The following CNOT2 variants were observed in gnomAD, a reference collection of about 807,000 sequenced individuals.
CNOT2 encodes CCR4-NOT transcription complex subunit 2, also known as CC chemokine receptor 4-negative regulator of transcription 2.
A neutral mutation model predicts 72.1 loss-of-function variants in CNOT2; 7 were observed. The ratio of observed to expected loss-of-function variants is 0.10; its 90% CI spans 0.06 to 0.18. The LOEUF is 0.18. Ranked by LOEUF, CNOT2 falls within the 10% of genes least tolerant of loss-of-function variation. The pLI is 1.00. For missense variants in CNOT2, 345 were observed against 660.3 expected (o/e 0.52, Z 5.23); for synonymous variants, 196 against 225.6 (o/e 0.87, Z 1.17).
intron 1 of CNOT2, among the ~76,000 whole-genome samples, chr12:70,258,562 A>C (rs1214556598): frequency 6.6e-6 from 1 of 152,224 alleles, no homozygotes; most frequent in East Asian, 1.9e-4. Context: ...TAATTTAACA[A>C]ATATTTATTT....
At chr12:70,322,126 T>C (rs1448959892) in intron 4 of CNOT2, 2 of 151,770 alleles carry the variant, frequency 1.3e-5, no homozygotes, top group African/African-American at 4.8e-5. Context: ...TTAACATAAG[T>C]TTTTTGAAAC....
chr12:70,247,059 T>C (rs1223162540), intron 1 of CNOT2, among the ~76,000 whole-genome samples: 1 of 152,224 alleles, frequency 6.6e-6, no homozygotes, highest in Admixed American at 6.5e-5. Flanking sequence ...TTCTGGGCAC[T>C]TCAGGGTTTT....
At chr12:70,310,037 CTATT>C (rs1350804564) in intron 2 of CNOT2, among the ~76,000 whole-genome samples, 4 of 151,984 alleles carry the variant, frequency 2.6e-5, no homozygotes, top group Admixed American at 2.6e-4. Context: ...AATACAGTGA[CTATT>C]TATATAGCAT....
At chr12:70,350,268 C>T (rs926556693) in intron 15 of CNOT2, among the ~76,000 whole-genome samples, 1 of 152,204 alleles carries the variant, frequency 6.6e-6, no homozygotes, top group Non-Finnish European at 1.5e-5. Flanking sequence ...AGAATTCTTT[C>T]GGCCTAATTT....
Position 70,298,596 on chromosome 12 carries a change from TTTA to T in CNOT2, c.49-12290_49-12288del, listed in dbSNP as rs923426818. On this transcript the variant is annotated intron_variant, in intron 2 of 15. Coordinates refer to ENST00000229195, the MANE Select transcript of CNOT2 (RefSeq NM_014515.7). The stretch of plus-strand genomic sequence containing the variant: ...TTTAGAATATTCCCTGGCACAATAA[TTTA>T]TTATTATTTTATAGTTATGATAAAG... 2.6e-5 allele frequency among the ~76,000 whole-genome samples: 4 copies of T among 152,320 alleles called. No individual in the cohort carries two copies. The East Asian group carries it at 7.7e-4, about 29-fold the overall frequency.
chr12:70,305,406 A>AC (rs549015195), intron 2 of CNOT2, among the ~76,000 whole-genome samples: 234 of 152,276 alleles, frequency 1.5e-3, no homozygotes, highest in African/African-American at 5.6e-3. Context: ...CTTCTGCGAC[A>AC]CGTGGGGATT....
At chr12:70,300,434 A>G (rs1593167673) in intron 2 of CNOT2, among the ~76,000 whole-genome samples, 2 of 152,212 alleles carry the variant, frequency 1.3e-5, no homozygotes, top group South Asian at 2.1e-4. Context: ...AGCTTTCTAC[A>G]TATGGCTAGC....
rs568087340 is a variant in CNOT2 at position 70,275,436 on chromosome 12, C to G, written c.-95-2696C>G. Among the ~76,000 whole-genome samples, 5 of 152,180 alleles carry G rather than the reference C, an allele frequency of 3.3e-5. No homozygotes were observed. In the East Asian group the frequency reaches 9.6e-4, roughly 29 times the overall value. The stretch of plus-strand genomic sequence containing the variant: ...AAAAAATTTAGTTCCAGTTTCCCCT[C>G]CTTGTGCTTCAGCCTCAAAACTACA... On this transcript the variant is annotated intron_variant, in intron 1 of 15. Coordinates refer to ENST00000229195, the MANE Select transcript of CNOT2 (RefSeq NM_014515.7).
chr12:70,352,415 G>C (rs1185104857), intron 15 of CNOT2, among the ~76,000 whole-genome samples: 1 of 152,094 alleles, frequency 6.6e-6, no homozygotes, highest in African/African-American at 2.4e-5. Context: ...TGTTAGGTCT[G>C]TAATATCTTT....
chr12:70,289,533 C>T (rs538066880), intron 2 of CNOT2, among the ~76,000 whole-genome samples: 2 of 152,056 alleles, frequency 1.3e-5, no homozygotes, highest in Non-Finnish European at 2.9e-5. Context: ...TGAATATATT[C>T]TCTGTCTTCA....
intron 2 of CNOT2, among the ~76,000 whole-genome samples, chr12:70,283,449 G>C (rs906689972): frequency 6.9e-6 from 1 of 145,380 alleles, no homozygotes; most frequent in African/African-American, 2.6e-5. Flanking sequence ...GACAGAGCAA[G>C]ACCCTCAGTC....
At position 70,318,039 on chromosome 12, in the gene CNOT2, A is replaced by G. The variant is rs78251259; in HGVS notation, c.172-1259A>G. ...CTCCTTTTCCCGTTATACCCCAGCT[A>G]GTCAACAGGACATAAAATAACTGTT... On this transcript the variant is annotated intron_variant, in intron 3 of 15. Transcript: ENST00000229195. 1.7e-4 allele frequency among the ~76,000 whole-genome samples: 26 copies of G among 151,978 alleles called. No individual in the cohort carries two copies. The East Asian group carries it at 4.4e-3, about 26-fold the overall frequency.
At chr12:70,243,848 C>A (rs1394669921) in intron 1 of CNOT2, 3 of 152,200 alleles carry the variant, frequency 2.0e-5, no homozygotes, top group Non-Finnish European at 4.4e-5. Context: ...CCCCTAGGCT[C>A]CCGCCAGCGC....
chr12:70,276,335 A>G (rs2135796921), intron 1 of CNOT2, among the ~76,000 whole-genome samples: 1 of 152,104 alleles, frequency 6.6e-6, no homozygotes, highest in South Asian at 2.1e-4. Context: ...CATTAATATA[A>G]TTGGAGGTAA....
Position 70,332,970 on chromosome 12 carries a change from A to T in CNOT2, c.649+124A>T, listed in dbSNP as rs1880170237. 3 of 1,320,018 alleles carry T rather than the reference A, an allele frequency of 2.3e-6. No homozygotes were observed. In the East Asian group the frequency reaches 8.5e-5, roughly 38 times the overall value. 81.8% of individuals were successfully genotyped at this position (1,320,018 alleles called of 1,614,324 possible). On this transcript the variant is annotated intron_variant, in intron 7 of 15. Transcript: ENST00000229195. ...TTATTATGTTAGATGGTAGATTTTAATTCAGTGAAAAATAGGAATAGGATT... is the reference window on the plus strand; with the variant it reads ...TTATTATGTTAGATGGTAGATTTTATTTCAGTGAAAAATAGGAATAGGATT...
intron 2 of CNOT2, among the ~76,000 whole-genome samples, chr12:70,300,799 A>G (rs1432623019): frequency 1.3e-5 from 2 of 152,156 alleles, no homozygotes; most frequent in African/African-American, 2.4e-5. Context: ...GAATCTATAA[A>G]TTACCTTGGG....
At chr12:70,320,546 T>TA (rs1024177270) in intron 4 of CNOT2, among the ~76,000 whole-genome samples, 1 of 151,698 alleles carries the variant, frequency 6.6e-6, no homozygotes, top group Non-Finnish European at 1.5e-5. Flanking sequence ...GCTTATTACA[T>TA]AAAAAAATTG....
chr12:70,258,039 G>T (rs1336568384), intron 1 of CNOT2, among the ~76,000 whole-genome samples: 1 of 152,068 alleles, frequency 6.6e-6, no homozygotes, highest in African/African-American at 2.4e-5. Context: ...TTAAAAACTT[G>T]TATTTTTTGG....
chr12:70,353,731 T>G, intron 15 of CNOT2, 98 bp from the exon 16 acceptor site: 1 of 1,515,368 alleles, frequency 6.6e-7, no homozygotes, highest in South Asian at 1.2e-5. Flanking sequence ...TTGATTCATA[T>G]ATATTGGGTA....
Sources: gnomAD v4.1 joint callset for allele counts (sites outside exome capture counted in the v4.1 genomes callset) on GRCh38, gnomAD v4.1.1 for gene constraint, MANE v1.5 for transcripts, NCBI Gene and HGNC (gene_info 2026-07-23, HGNC 2026-07-21) for gene names.